The following DVL1 variants were observed in gnomAD, a reference collection of about 807,000 sequenced individuals.
DVL1 encodes dishevelled segment polarity protein 1, also known as segment polarity protein dishevelled homolog DVL-1.
In DVL1, 49 loss-of-function variants were observed where a neutral mutation model predicts 65.0. The ratio of observed to expected loss-of-function variants is 0.75; its 90% confidence interval spans 0.60 to 0.96. The LOEUF (loss-of-function observed/expected upper bound fraction) is 0.96. DVL1 is among the 40% of genes least tolerant of loss of function. The pLI is 0.00. For synonymous variants in DVL1, 608 were observed against 433.9 expected (o/e 1.40, Z -4.99); for missense variants, 1,197 against 1,045.4 (o/e 1.15, Z -2.00).
chr1:1,337,950 A>G lies in DVL1; in HGVS notation c.1714+27T>C, dbSNP rs924762290. On this transcript the variant is annotated intron_variant, in intron 14 of 14. Coordinates refer to ENST00000378888, the MANE Select transcript of DVL1 (RefSeq NM_001330311.2). ...GGCGGAGCTGGGGGCGGAGCCGGGG[A>G]AGGGCAGGTAGGGGCGGCGTTCTCA... 7 of 1,592,590 alleles carry G rather than the reference A, an allele frequency of 4.4e-6. No individual in the cohort carries two copies. The Admixed American group carries it at 8.4e-5, about 19-fold the overall frequency.
At chr1:1,344,104 C>A (rs529611525) in intron 1 of DVL1, among the ~76,000 whole-genome samples, 2 of 152,268 alleles carry the variant, frequency 1.3e-5, no homozygotes, top group African/African-American at 4.8e-5. Flanking sequence ...GCAAGGCAGG[C>A]AGGGCTGTGG....
intron 1 of DVL1, among the ~76,000 whole-genome samples, chr1:1,343,764 C>T (rs1364800309): frequency 6.6e-6 from 1 of 152,130 alleles, no homozygotes; most frequent in Non-Finnish European, 1.5e-5. Flanking sequence ...CAGAGGCCGC[C>T]CACCACCCTC....
chr1:1,337,162 G>A, intron 14 of DVL1: 1 of 918,002 alleles, frequency 1.1e-6, no homozygotes, highest in Non-Finnish European at 1.3e-6. Flanking sequence ...GCTGGGCGGG[G>A]CTGAAGTGGG....
At chr1:1,345,369 G>C (rs1643900772) in intron 1 of DVL1, among the ~76,000 whole-genome samples, 1 of 152,166 alleles carries the variant, frequency 6.6e-6, no homozygotes, top group Non-Finnish European at 1.5e-5. Flanking sequence ...GGAAGGGTGG[G>C]GTCTGCCTGG....
chr1:1,340,506 G>A lies in DVL1; in HGVS notation c.606-3C>T, dbSNP rs768659338. ...TCTGCTCCGTGGAGCTGCTGAGCCT[G>A]GGAACAGACTGTCAGAGCTCAGAGG... On this transcript the variant is annotated splice_region_variant and splice_polypyrimidine_tract_variant and intron_variant, in intron 5 of 14. Transcript: ENST00000378888. The A allele has an allele frequency of 6.3e-7, 1 of 1,599,418 alleles. No individual in the cohort carries two copies. The highest frequency in any genetic ancestry group is 8.5e-7 in the Non-Finnish European group (1 of 1,173,298).
chr1:1,335,846 C>G lies in DVL1; in HGVS notation c.*296G>C. 4.1e-6 allele frequency: 2 copies of G among 483,432 alleles called. No homozygotes were observed. The highest frequency in any genetic ancestry group is 7.4e-6 in the Non-Finnish European group (2 of 270,222). 29.9% of individuals were successfully genotyped at this position (483,432 alleles called of 1,614,324 possible). On this transcript the variant is annotated 3_prime_UTR_variant, in exon 15 of 15. Coordinates refer to ENST00000378888, the MANE Select transcript of DVL1 (RefSeq NM_001330311.2). ...AGCTGTGCAGGAGGTGGGGGTCAGC[C>G]GAGAGCCCGAGGGGGTCTTCCTCAT...
chr1:1,349,204 C>A lies in DVL1; in HGVS notation c.-139G>T. On this transcript the variant is annotated 5_prime_UTR_variant, in exon 1 of 15. Transcript: ENST00000378888. The surrounding 1 kb of genome is among the most constrained non-coding windows in gnomAD (Gnocchi z 4.1). ...GACGCTCCGAGGCCCCCGGGCGCCC[C>A]CGCCCGACCGCCCAGGCCCCGGCCG... 2 of 379,200 alleles carry A rather than the reference C, an allele frequency of 5.3e-6. No individual in the cohort carries two copies. The highest frequency in any genetic ancestry group is 1.0e-4 in the South Asian group (1 of 9,960). The allele number at this position is 379,200 out of a possible 1,614,324, so 23.5% of individuals were successfully genotyped here.
rs1643638677 is a variant in DVL1 at position 1,337,965 on chromosome 1, C to CG, written c.1714+11dup. ...GGAGCCGGGGAAGGGCAGGTAGGGG[C>CG]GGCGTTCTCACCTTCACTCTGCTGA... is the stretch of plus-strand genomic sequence containing the variant. On this transcript the variant is annotated intron_variant, in intron 14 of 14. Transcript: ENST00000378888. The CG allele has an allele frequency of 6.2e-7, 1 of 1,607,884 alleles. No individual in the cohort carries two copies. Among genetic ancestry groups the CG allele is most frequent in the Non-Finnish European group, 8.5e-7 (1 of 1,177,632 alleles).
chr1:1,339,660 G>A lies in DVL1; in HGVS notation c.987-11C>T, dbSNP rs762146105. The stretch of plus-strand genomic sequence containing the variant: ...GTGAGGCTGATGGGCCTGCAGGAAC[G>A]GTGGTCACACAGCAAGGCCCCCATG... On this transcript the variant is annotated splice_polypyrimidine_tract_variant and intron_variant, in intron 9 of 14. Coordinates refer to ENST00000378888, the MANE Select transcript of DVL1 (RefSeq NM_001330311.2). 17 of 1,611,360 alleles carry A rather than the reference G, an allele frequency of 1.1e-5. No individual in the cohort carries two copies. The highest frequency in any genetic ancestry group is 1.6e-4 in the Middle Eastern group (1 of 6,074).
chr1:1,337,829 G>C (rs1251967303), intron 14 of DVL1, 148 bp downstream of exon 14: 1 of 748,838 alleles, frequency 1.3e-6, no homozygotes, highest in Non-Finnish European at 2.3e-6. Context: ...GGGGTCAGCA[G>C]AGAAGCAGGG....
In DVL1 at chr1:1,335,952, C is replaced by T. The variant is rs112377808; in HGVS notation, c.*190G>A. ...AGGGGCAGAGAGGGAGCGCCCCCAA[C>T]ACGGCTGCTCAGACACAGGTGCTGT... On this transcript the variant is annotated 3_prime_UTR_variant, in exon 15 of 15. Coordinates refer to ENST00000378888, the MANE Select transcript of DVL1 (RefSeq NM_001330311.2). 4.1e-4 allele frequency: 303 copies of T among 732,158 alleles called. No individual in the cohort carries two copies. The highest frequency in any genetic ancestry group is 4.1e-3 in the African/African-American group (230 of 56,126). The allele number at this position is 732,158 out of a possible 1,614,324, so 45.4% of individuals were successfully genotyped here.
At chr1:1,337,630 C>T (rs934269434) in intron 14 of DVL1, 6 of 455,650 alleles carry the variant, frequency 1.3e-5, no homozygotes, top group Middle Eastern at 3.2e-4. Flanking sequence ...CAGGCACAGC[C>T]GCCCAGGCCG....
intron 5 of DVL1, 94 bp from the exon 6 acceptor site, chr1:1,340,597 A>C: frequency 7.3e-7 from 1 of 1,367,182 alleles, no homozygotes; most frequent in East Asian, 2.5e-5. Context: ...TCGGGGGTCT[A>C]GGCCAGGCTT....
rs1044618884 is a variant in DVL1 at position 1,335,913 on chromosome 1, C to A, written c.*229G>T. ...ACCAGACACAAGGGGTTGGGAGGTC[C>A]GAGGCTCTCGCTGAGGGGCAGAGAG... On this transcript the variant is annotated 3_prime_UTR_variant, in exon 15 of 15. Coordinates refer to ENST00000378888, the MANE Select transcript of DVL1 (RefSeq NM_001330311.2). The A allele has an allele frequency of 3.3e-6, 2 of 608,970 alleles. No homozygotes were observed. Among genetic ancestry groups the A allele is most frequent in the Non-Finnish European group, 5.7e-6 (2 of 348,994 alleles). 37.7% of individuals were successfully genotyped at this position (608,970 alleles called of 1,614,324 possible). A position where few individuals can be genotyped will look rare whatever the true frequency, so the allele number is the denominator to read the frequency against.
rs569695569 is a variant in DVL1, at chr1:1,336,598, C to T, written c.1715-83G>A. On this transcript the variant is annotated intron_variant, in intron 14 of 14. Coordinates refer to ENST00000378888, the MANE Select transcript of DVL1 (RefSeq NM_001330311.2). ...AGAACAACCGCCCCCGCCAGGTGAC[C>T]GGGCAGGAACGGTGGCCCGTGCAGG... 2.5e-5 allele frequency: 36 copies of T among 1,448,774 alleles called. No homozygotes were observed. In the African/African-American group the frequency reaches 2.9e-4, roughly 12 times the overall value. 89.7% of individuals were successfully genotyped at this position (1,448,774 alleles called of 1,614,324 possible). A position where few individuals can be genotyped will look rare whatever the true frequency, so the allele number is the denominator to read the frequency against.
intron 1 of DVL1, among the ~76,000 whole-genome samples, chr1:1,343,862 C>G (rs751546890): frequency 6.6e-6 from 1 of 152,208 alleles, no homozygotes. Context: ...GCAGGGGATG[C>G]GGAGCCGGCA....
rs1461596779 is a variant in DVL1, at chr1:1,336,076, C to T, written c.*66G>A. On this transcript the variant is annotated 3_prime_UTR_variant, in exon 15 of 15. Transcript: ENST00000378888. ...TGGCCCCCACGAAGGCAAGCCCACG[C>T]GAGCTCTGCATGCGGCAGGACCGCC... 11 of 1,531,356 alleles carry T rather than the reference C, an allele frequency of 7.2e-6. No individual in the cohort carries two copies. The highest frequency in any genetic ancestry group is 2.4e-5 in the East Asian group (1 of 41,332). The allele number at this position is 1,531,356 out of a possible 1,614,324, so 94.9% of individuals were successfully genotyped here.
intron 1 of DVL1, among the ~76,000 whole-genome samples, chr1:1,342,981 G>A (rs1388810846): frequency 1.3e-5 from 2 of 148,324 alleles, no homozygotes; most frequent in Admixed American, 6.7e-5. Context: ...CCCTGCTAAC[G>A]CACTCTCCTC....
At chr1:1,337,941 G>A (rs1301566094) in intron 14 of DVL1, 36 bp downstream of exon 14, 1 of 1,567,818 alleles carries the variant, frequency 6.4e-7, no homozygotes, top group Admixed American at 1.7e-5. Flanking sequence ...GCTGGGGGCG[G>A]AGCCGGGGAA....
Sources: allele counts gnomAD v4.1 joint callset (sites outside exome capture counted in the v4.1 genomes callset), GRCh38; gene constraint gnomAD v4.1.1; non-coding constraint Gnocchi (gnomAD v3.1); transcripts MANE v1.5; gene names NCBI Gene and HGNC (gene_info 2026-07-23, HGNC 2026-07-21).